ACSM1: variants seen among roughly 807,000 people sequenced by gnomAD.
The protein encoded by ACSM1 is acyl-coenzyme A synthetase ACSM1, mitochondrial.
ACSM1 carries 79 observed loss-of-function variants against 75.8 expected under a neutral mutation model. The ratio of observed to expected loss-of-function variants is 1.04; its 90% CI spans 0.87 to 1.26. ACSM1 has a LOEUF of 1.26. Among genes scored for constraint, ACSM1 ranks in the 50% most tolerant of loss-of-function variants. ACSM1 has a pLI of 0.00. For missense variants in ACSM1, 676 were observed against 720.1 expected (o/e 0.94, Z 0.70); for synonymous variants, 279 against 265.8 (o/e 1.05, Z -0.48).
intron 11 of ACSM1, among the ~76,000 whole-genome samples, 193 bp downstream of exon 11, chr16:20,626,996 A>G (rs565730576): frequency 6.6e-6 from 1 of 151,910 alleles, no homozygotes; most frequent in East Asian, 1.9e-4. Flanking sequence ...CTTGAATTTC[A>G]TTTTGCTTGA....
At position 20,669,441 on chromosome 16, in the gene ACSM1, A is replaced by AACACACACACACACAC. The variant is rs71149170; in HGVS notation, c.912+370_912+385dup. 4.9e-4 allele frequency among the ~76,000 whole-genome samples: 69 copies of AACACACACACACACAC among 141,360 alleles called. 1 individual carries two copies. The highest frequency in any genetic ancestry group is 1.8e-3 in the African/African-American group (67 of 37,950). 92.7% of individuals were successfully genotyped at this position (141,360 alleles called of 152,430 possible). A position where few individuals can be genotyped will look rare whatever the true frequency, so the allele number is the denominator to read the frequency against. ...AACATTTTATCATATTGAGTAAGAA[A>AACACACACACACACAC]ACACACACACACACACACACACACA... is the stretch of plus-strand genomic sequence containing the variant. On this transcript the variant is annotated intron_variant, in intron 6 of 13. Coordinates refer to ENST00000520010, the MANE Select transcript of ACSM1 (RefSeq NM_001318890.3).
intron 8 of ACSM1, among the ~76,000 whole-genome samples, chr16:20,638,856 C>T (rs555767288): frequency 2.6e-4 from 39 of 152,298 alleles, no homozygotes; most frequent in Admixed American, 1.0e-3. Context: ...TTAAGCACCA[C>T]CTAGTGCTGC....
At chr16:20,685,058 G>C (rs924249415) in intron 3 of ACSM1, 135 bp downstream of exon 3, 2 of 857,888 alleles carry the variant, frequency 2.3e-6, no homozygotes, top group Non-Finnish European at 3.7e-6. Flanking sequence ...TTGCTTTGTG[G>C]TCCCAGCACA....
At chr16:20,677,113 A>G (rs2020333720) in intron 4 of ACSM1, among the ~76,000 whole-genome samples, 1 of 152,056 alleles carries the variant, frequency 6.6e-6, no homozygotes, top group African/African-American at 2.4e-5. Flanking sequence ...AAGGGCAGCA[A>G]GGTTCTGCTG....
intron 7 of ACSM1, among the ~76,000 whole-genome samples, chr16:20,652,630 C>T (rs2018708038): frequency 6.6e-6 from 1 of 152,076 alleles, no homozygotes; most frequent in African/African-American, 2.4e-5. Flanking sequence ...AACACCTCTA[C>T]ACAAATAAAC....
intron 1 of ACSM1, among the ~76,000 whole-genome samples, chr16:20,693,005 C>T (rs1567316678): frequency 2.6e-5 from 4 of 151,864 alleles, no homozygotes; most frequent in Admixed American, 6.6e-5. Flanking sequence ...CCTGTCTCTA[C>T]TAAAAATTTG....
intron 5 of ACSM1, among the ~76,000 whole-genome samples, chr16:20,670,340 T>C (rs1281009956): frequency 4.6e-5 from 7 of 152,208 alleles, no homozygotes; most frequent in Non-Finnish European, 7.3e-5. Context: ...TGGTCCACTC[T>C]ATTTCCTGAA....
At chr16:20,644,868 C>A (rs2018271652) in intron 7 of ACSM1, among the ~76,000 whole-genome samples, 1 of 152,192 alleles carries the variant, frequency 6.6e-6, no homozygotes, top group African/African-American at 2.4e-5. Flanking sequence ...AGTCTTGTGG[C>A]CTTCCTTATG....
chr16:20,671,408 G>A, intron 5 of ACSM1, 123 bp downstream of exon 5: 1 of 1,040,620 alleles, frequency 9.6e-7, no homozygotes, highest in Non-Finnish European at 1.3e-6. Flanking sequence ...AAAGGAGTAT[G>A]TAGTCACTTC....
At chr16:20,695,921 G>C (rs957424939) in intron 1 of ACSM1, among the ~76,000 whole-genome samples, 1 of 152,110 alleles carries the variant, frequency 6.6e-6, no homozygotes, top group African/African-American at 2.4e-5. Flanking sequence ...CATGTACACT[G>C]TAGTCATGTG....
chr16:20,652,807 C>T (rs1272213897), intron 7 of ACSM1, among the ~76,000 whole-genome samples: 1 of 152,106 alleles, frequency 6.6e-6, no homozygotes, highest in East Asian at 1.9e-4. Flanking sequence ...GATTCACAGC[C>T]GAATTCTGCC....
At chr16:20,673,015 A>G (rs1244944607) in intron 4 of ACSM1, among the ~76,000 whole-genome samples, 2 of 143,898 alleles carry the variant, frequency 1.4e-5, no homozygotes, top group Admixed American at 7.1e-5. Context: ...ATATACTTAT[A>G]TGTCATATAT....
intron 7 of ACSM1, among the ~76,000 whole-genome samples, chr16:20,650,283 G>C (rs1039368880): frequency 1.3e-5 from 2 of 152,014 alleles, no homozygotes; most frequent in African/African-American, 2.4e-5. Flanking sequence ...CTGAAGTGTC[G>C]TTTTCACAGA....
intron 6 of ACSM1, among the ~76,000 whole-genome samples, chr16:20,667,255 T>A (rs962997997): frequency 6.6e-6 from 1 of 152,154 alleles, no homozygotes; most frequent in Non-Finnish European, 1.5e-5. Flanking sequence ...TTGTAGACTC[T>A]TATATGTGAT....
At position 20,625,880 on chromosome 16, in the gene ACSM1, T is replaced by C. The variant is rs149094324; in HGVS notation, c.1428-358A>G. The stretch of plus-strand genomic sequence containing the variant: ...AAATTCTGCATACTATTTCCCATTG[T>C]ATCAGCAGGATTTTCGGCTTTTATT... On this transcript the variant is annotated intron_variant, in intron 11 of 13. Coordinates refer to ENST00000520010, the MANE Select transcript of ACSM1 (RefSeq NM_001318890.3). Among the ~76,000 whole-genome samples, 7 of 152,332 alleles carry C rather than the reference T, an allele frequency of 4.6e-5. No individual in the cohort carries two copies. The East Asian group carries it at 7.7e-4, about 17-fold the overall frequency.
intron 7 of ACSM1, among the ~76,000 whole-genome samples, chr16:20,658,702 A>AT (rs201597583): frequency 0.012 from 1,819 of 152,262 alleles, 19 homozygotes; most frequent in Non-Finnish European, 0.019. Context: ...AGATTCGTCT[A>AT]TATTAACAAG....
At chr16:20,676,098 CA>C (rs946082058) in intron 4 of ACSM1, 2 of 152,190 alleles carry the variant, frequency 1.3e-5, no homozygotes, top group South Asian at 4.1e-4. Context: ...GAATTAAGTT[CA>C]AAGAGATACA....
At chr16:20,625,708 C>G (rs1430321709) in intron 11 of ACSM1, among the ~76,000 whole-genome samples, 186 bp from the exon 12 acceptor site, 1 of 152,210 alleles carries the variant, frequency 6.6e-6, no homozygotes, top group Non-Finnish European at 1.5e-5. Flanking sequence ...CTGAGAAATA[C>G]AAGACTGCGG....
At chr16:20,628,314 T>G (rs190634545) in intron 10 of ACSM1, among the ~76,000 whole-genome samples, 1 of 152,214 alleles carries the variant, frequency 6.6e-6, no homozygotes, top group Non-Finnish European at 1.5e-5. Flanking sequence ...TGTGTCTGTG[T>G]ATTTAGTTGT....
Sources: allele counts gnomAD v4.1 joint callset (sites outside exome capture counted in the v4.1 genomes callset), GRCh38; gene constraint gnomAD v4.1.1; transcripts MANE v1.5; gene names NCBI Gene and HGNC (gene_info 2026-07-23, HGNC 2026-07-21).